PPIC: variants seen among roughly 807,000 people sequenced by gnomAD.
PPIC encodes the protein peptidylprolyl isomerase C.
PPIC carries 19 observed loss-of-function variants against 19.5 expected under a neutral mutation model. The ratio of observed to expected loss-of-function variants is 0.98; its 90% confidence interval spans 0.68 to 1.43. The LOEUF (loss-of-function observed/expected upper bound fraction) is 1.43, where lower values mean the gene tolerates loss of function less well. Ranked by LOEUF, PPIC falls within the 40% of genes most tolerant of loss-of-function variation. The probability of loss-of-function intolerance (pLI) is 0.00; values close to 1 mark genes in which losing one functional copy is unlikely to be tolerated. For synonymous variants in PPIC, 107 were observed against 101.2 expected, an observed-to-expected ratio of 1.06 and a Z score of -0.34; for missense variants, 268 against 268.6, an observed-to-expected ratio of 1.00 and a Z score of 0.02.
intron 1 of PPIC, among the ~76,000 whole-genome samples, chr5:123,035,840 C>A (rs952326840): frequency 5.9e-5 from 9 of 152,114 alleles, no homozygotes; most frequent in African/African-American, 2.2e-4. Context: ...CGCCCCCTTT[C>A]CCCGCAGTGG....
rs1462534862 is a variant in PPIC, at chr5:123,023,715, G to T, written c.*160C>A. 2.6e-6 allele frequency: 3 copies of T among 1,161,622 alleles called. No homozygotes were observed. Among genetic ancestry groups the T allele is most frequent in the African/African-American group, 1.6e-5 (1 of 64,002 alleles). 72.0% of individuals were successfully genotyped at this position (1,161,622 alleles called of 1,614,324 possible). A position where few individuals can be genotyped will look rare whatever the true frequency, so the allele number is the denominator to read the frequency against. On this transcript the variant is annotated 3_prime_UTR_variant, in exon 5 of 5. Transcript: ENST00000306442. ...TACTAAAGTTCAAGCAAACTAAAGG[G>T]TGACGGTTTGATTTTTATAACTTTC...
At position 123,025,975 on chromosome 5, in the gene PPIC, C is replaced by T. The variant is rs1762847417; in HGVS notation, c.326-7G>A. The T allele has an allele frequency of 1.9e-6, 3 of 1,581,018 alleles. No homozygotes were observed. Among genetic ancestry groups the T allele is most frequent in the South Asian group, 2.3e-5 (2 of 85,802 alleles). On this transcript the variant is annotated splice_region_variant and splice_polypyrimidine_tract_variant and intron_variant, in intron 3 of 4. Transcript: ENST00000306442. The stretch of plus-strand genomic sequence containing the variant: ...TCACCATAGATGCTCACACCTGAGA[C>T]AAAACAAGGAAGAAAGTCAACAGAT...
chr5:123,025,796 G>T lies in PPIC; in HGVS notation c.498C>A (p.Val166=). ...TGTATCAATTTACCATCCCATCAAT[G>T]ACTTTTCCAAACACCACATGTTTGC... ...LDGKHVVFGK[V]IDGMTVVHSI... The change falls in exon 4 of 5, where the codon GTC becomes GTA. Residue 166 remains valine, a synonymous_variant. Coordinates refer to ENST00000306442, the MANE Select transcript of PPIC (RefSeq NM_000943.5). The T allele has an allele frequency of 6.2e-7, 1 of 1,612,950 alleles. No individual in the cohort carries two copies. Among genetic ancestry groups the T allele is most frequent in the South Asian group, 1.1e-5 (1 of 90,494 alleles).
At chr5:123,032,657 G>T (rs1033506763) in intron 1 of PPIC, among the ~76,000 whole-genome samples, 1 of 152,130 alleles carries the variant, frequency 6.6e-6, no homozygotes, top group African/African-American at 2.4e-5. Flanking sequence ...TGGGCCAGGG[G>T]TGGGGTGGGG....
intron 3 of PPIC, among the ~76,000 whole-genome samples, chr5:123,026,180 C>T (rs1016093503): frequency 3.3e-5 from 5 of 152,254 alleles, no homozygotes; most frequent in African/African-American, 1.2e-4. Flanking sequence ...CAAAGAAAGC[C>T]TTAAATATGG....
intron 1 of PPIC, among the ~76,000 whole-genome samples, chr5:123,033,008 T>C (rs1292180970): frequency 2.0e-5 from 3 of 152,154 alleles, no homozygotes; most frequent in African/African-American, 7.2e-5. Flanking sequence ...TTAATCCTGA[T>C]TCCATTTCCA....
rs370628209 is a variant in PPIC at position 123,025,910 on chromosome 5, G to A, written c.384C>T (p.Gly128=). The A allele has an allele frequency of 3.1e-6, 5 of 1,612,850 alleles. No individual in the cohort carries two copies. The highest frequency in any genetic ancestry group is 1.3e-5 in the African/African-American group (1 of 74,824). ...CGTTGGCCATGCTGACCCACCCAAT[G>A]CCATAGTGCTTCAGCTTGAAGTTCT... ...PDENFKLKHY[G]IGWVSMANAG... The change falls in exon 4 of 5, where the codon GGC becomes GGT. Residue 128 remains glycine (G), a synonymous_variant. Transcript: ENST00000306442.
chr5:123,024,018 G>C lies in PPIC; in HGVS notation c.511-15C>G, dbSNP rs370683919. 4 of 1,610,250 alleles carry C rather than the reference G, an allele frequency of 2.5e-6. No homozygotes were observed. In the African/African-American group the frequency reaches 5.3e-5, roughly 22 times the overall value. ...TGCACCACTGTCTGGTGAGAGAAAA[G>C]TAGACACATGGTTTAATTCTGACCA... On this transcript the variant is annotated splice_polypyrimidine_tract_variant and intron_variant, in intron 4 of 4. Coordinates refer to ENST00000306442, the MANE Select transcript of PPIC (RefSeq NM_000943.5).
intron 2 of PPIC, 87 bp from the exon 3 acceptor site, chr5:123,028,955 G>A: frequency 1.7e-6 from 2 of 1,186,872 alleles, no homozygotes; most frequent in Non-Finnish European, 2.4e-6. Flanking sequence ...GACAAACTGA[G>A]AAAATTAAAC....
At chr5:123,034,570 T>C (rs987323500) in intron 1 of PPIC, among the ~76,000 whole-genome samples, 1 of 152,224 alleles carries the variant, frequency 6.6e-6, no homozygotes, top group African/African-American at 2.4e-5. Flanking sequence ...ATTGACTTGC[T>C]CTGGGGTGGG....
Position 123,025,818 on chromosome 5 carries a change from T to C in PPIC, c.476A>G (p.Lys159Arg), listed in dbSNP as rs1762843138. The change falls in exon 4 of 5, where the codon AAA becomes AGA. Residue 159 changes from lysine to arginine, a missense_variant. Physicochemically the swap from Lys to Arg is conservative, Grantham distance 26 (BLOSUM62 2). Transcript: ENST00000306442. ...AATGACTTTTCCAAACACCACATGT[T>C]TGCCGTCCAACCAGGTGGGCTTGGT... ...TLTKPTWLDG[K>R]HVVFGKVIDG... is the part of the protein sequence containing the mutation. 6.2e-7 allele frequency: 1 copy of C among 1,613,960 alleles called. No homozygotes were observed. Among genetic ancestry groups the C allele is most frequent in the Non-Finnish European group, 8.5e-7 (1 of 1,179,986 alleles).
At position 123,024,108 on chromosome 5, in the gene PPIC, A is replaced by AGGTT. The variant is rs1184262514; in HGVS notation, c.511-109_511-106dup. 37 of 1,418,828 alleles carry AGGTT rather than the reference A, an allele frequency of 2.6e-5. No individual in the cohort carries two copies. The East Asian group carries it at 3.6e-4, about 14-fold the overall frequency. 87.9% of individuals were successfully genotyped at this position (1,418,828 alleles called of 1,614,324 possible). A position where few individuals can be genotyped will look rare whatever the true frequency, so the allele number is the denominator to read the frequency against. On this transcript the variant is annotated intron_variant, in intron 4 of 4. Transcript: ENST00000306442. ...CAAAAGCCCAAGTGGGAAGGAAATA[A>AGGTT]GGTTGGTTGGTTGGTTGGTTTTTTA...
intron 3 of PPIC, 166 bp downstream of exon 3, chr5:123,028,609 G>A (rs1291567095): frequency 1.3e-5 from 7 of 522,084 alleles, no homozygotes; most frequent in African/African-American, 1.2e-4. Context: ...CATACCTGTC[G>A]AGATGCTGCT....
At chr5:123,024,050 A>G (rs764071589) in intron 4 of PPIC, 47 bp from the exon 5 acceptor site, 3 of 1,581,330 alleles carry the variant, frequency 1.9e-6, no homozygotes, top group Admixed American at 3.5e-5. Context: ...ACCAGCAGCT[A>G]TAGCAATCCA....
chr5:123,028,457 T>C, intron 3 of PPIC: 1 of 229,932 alleles, frequency 4.3e-6, no homozygotes, highest in Non-Finnish European at 8.4e-6. Flanking sequence ...GTTCCACACC[T>C]TTTCCTTCCT....
Position 123,029,309 on chromosome 5 carries a change from C to T in PPIC, c.227G>A (p.Gly76Glu), listed in dbSNP as rs982137322. 6.2e-7 allele frequency: 1 copy of T among 1,614,108 alleles called. No homozygotes were observed. The highest frequency in any genetic ancestry group is 8.5e-7 in the Non-Finnish European group (1 of 1,179,988). Residue 76 changes from glycine to glutamate, a missense_variant, in exon 2 of 5, where the codon GGA becomes GAA. Coordinates refer to ENST00000306442, the MANE Select transcript of PPIC (RefSeq NM_000943.5). ...GGAAATAAAATTGAGACATACCTCT[C>T]CTGTTGCTAGAGCAACAAAATTTTC... is the stretch of plus-strand genomic sequence containing the variant. ...TVENFVALAT[G>E]EKGYGYKGSK...
In PPIC at chr5:123,029,294, T is replaced by C. The variant is rs758652814; in HGVS notation, c.231+11A>G. 1.2e-6 allele frequency: 2 copies of C among 1,614,098 alleles called. No homozygotes were observed. The highest frequency in any genetic ancestry group is 3.3e-5 in the Admixed American group (2 of 60,016). ...AAGACCCAATTTAAAGGAAATAAAA[T>C]TGAGACATACCTCTCCTGTTGCTAG... On this transcript the variant is annotated intron_variant, in intron 2 of 4. Transcript: ENST00000306442.
chr5:123,028,781 T>G lies in PPIC; in HGVS notation c.319A>C (p.Thr107Pro), dbSNP rs574294198. ...QGGDITTGDG[T>P]GGVSIYGETF... is the part of the protein sequence containing the mutation. The stretch of plus-strand genomic sequence containing the variant: ...AAAAATGCAAAGACGTTACCCCCAG[T>G]GCCATCTCCAGTGGTGATGTCACCT... The change falls in exon 3 of 5, where the codon ACT becomes CCT. Residue 107 changes from threonine to proline, a missense_variant. Thr to Pro is a conservative substitution (Grantham distance 38). Transcript: ENST00000306442. 42 of 1,611,316 alleles carry G rather than the reference T, an allele frequency of 2.6e-5. 1 individual carries two copies. The South Asian group carries it at 4.4e-4, about 17-fold the overall frequency.
chr5:123,030,310 T>C (rs1762925211), intron 1 of PPIC, among the ~76,000 whole-genome samples: 1 of 152,208 alleles, frequency 6.6e-6, no homozygotes, highest in Non-Finnish European at 1.5e-5. Context: ...CACAAATCAC[T>C]GTGTTAAGAT....
Sources: gnomAD v4.1 joint callset for allele counts (sites outside exome capture counted in the v4.1 genomes callset) on GRCh38, gnomAD v4.1.1 for gene constraint, MANE v1.5 for transcripts, NCBI Gene and HGNC (gene_info 2026-07-23, HGNC 2026-07-21) for gene names.